PDE8A: variants seen among roughly 807,000 people sequenced by gnomAD.
PDE8A encodes phosphodiesterase 8A.
Under a neutral mutation model 105.0 loss-of-function variants are expected in PDE8A, and 59 were observed. The observed-to-expected ratio is 0.56, with a 90% CI of 0.46 to 0.70. The LOEUF (loss-of-function observed/expected upper bound fraction) is 0.70. Ranked by LOEUF, PDE8A falls within the 30% of genes least tolerant of loss-of-function variation. PDE8A has a pLI of 0.00. For synonymous variants in PDE8A, 355 were observed against 371.9 expected, an observed-to-expected ratio of 0.95 and a Z score of 0.52; for missense variants, 1,014 against 1,045.9, an observed-to-expected ratio of 0.97 and a Z score of 0.42.
intron 1 of PDE8A, among the ~76,000 whole-genome samples, chr15:85,013,496 A>G (rs1304455980): frequency 6.6e-6 from 1 of 152,184 alleles, no homozygotes; most frequent in African/African-American, 2.4e-5. Context: ...CCTCTCCTTC[A>G]ATTTAATCTA....
At position 85,039,108 on chromosome 15, in the gene PDE8A, C is replaced by T. The variant is rs565657147; in HGVS notation, c.187-25262C>T. Among the ~76,000 whole-genome samples, 54 of 138,752 alleles carry T rather than the reference C, an allele frequency of 3.9e-4. No homozygotes were observed. The South Asian group carries it at 9.7e-3, about 25-fold the overall frequency. 91.0% of individuals were successfully genotyped at this position (138,752 alleles called of 152,430 possible). ...TGCACTCCAGCCTTAGTAACAAGAG[C>T]GAAACTCCATCTCAAGAAAAAAAAA... On this transcript the variant is annotated intron_variant, in intron 1 of 21. Transcript: ENST00000394553.
chr15:85,096,470 A>T (rs563070606), intron 8 of PDE8A, among the ~76,000 whole-genome samples: 1 of 152,136 alleles, frequency 6.6e-6, no homozygotes, highest in African/African-American at 2.4e-5. Flanking sequence ...AAGATAAAGA[A>T]AGTATACTAT....
chr15:85,123,230 G>T (rs762071713), intron 19 of PDE8A, 37 bp downstream of exon 19: 2 of 1,608,552 alleles, frequency 1.2e-6, no homozygotes, highest in East Asian at 2.2e-5. Flanking sequence ...CCTGTGTTTG[G>T]GGTCCTTGTA....
rs757583907 is a variant in PDE8A, at chr15:85,072,694, A to AGTCCATGTG, written c.435-3168_435-3167insGTCCATGTG. ...CCTGCAGAGTCCATGGCAGCCCTGG[A>AGTCCATGTG]CTGTCTCCTCTGCACATTTTTGATG... On this transcript the variant is annotated intron_variant, in intron 3 of 21. Coordinates refer to ENST00000394553, the MANE Select transcript of PDE8A (RefSeq NM_002605.3). 6.6e-3 allele frequency among the ~76,000 whole-genome samples: 1,003 copies of AGTCCATGTG among 152,290 alleles called. 8 individuals are homozygous for AGTCCATGTG. The highest frequency in any genetic ancestry group is 0.031 in the Middle Eastern group (9 of 294).
chr15:85,033,846 T>C (rs1440472600), intron 1 of PDE8A, among the ~76,000 whole-genome samples: 1 of 152,060 alleles, frequency 6.6e-6, no homozygotes, highest in African/African-American at 2.4e-5. Flanking sequence ...GCCTGGGCGA[T>C]AGAGCAAGAC....
chr15:85,065,387 A>G (rs2081207172), intron 2 of PDE8A, among the ~76,000 whole-genome samples: 1 of 149,934 alleles, frequency 6.7e-6, no homozygotes, highest in Non-Finnish European at 1.5e-5. Flanking sequence ...ATGCTAGATG[A>G]CGAGTTAGTG....
At chr15:85,062,157 G>T (rs1258562464) in intron 1 of PDE8A, among the ~76,000 whole-genome samples, 2 of 152,112 alleles carry the variant, frequency 1.3e-5, no homozygotes, top group Non-Finnish European at 2.9e-5. Flanking sequence ...TCCTGTTTGT[G>T]TGCTTTGTGA....
chr15:85,007,202 T>A (rs187513206), intron 1 of PDE8A, among the ~76,000 whole-genome samples: 23 of 152,140 alleles, frequency 1.5e-4, no homozygotes, highest in African/African-American at 5.5e-4. Context: ...GAACAGATGA[T>A]ATAGGGCCAG....
At position 85,123,303 on chromosome 15, in the gene PDE8A, C is replaced by CTAT. The variant is rs1596541656; in HGVS notation, c.2085+113_2085+115dup. The CTAT allele has an allele frequency of 1.3e-5, 11 of 850,650 alleles. No homozygotes were observed. In the East Asian group the frequency reaches 2.8e-4, roughly 22 times the overall value. 52.7% of individuals were successfully genotyped at this position (850,650 alleles called of 1,614,324 possible). On this transcript the variant is annotated intron_variant, in intron 19 of 21. Coordinates refer to ENST00000394553, the MANE Select transcript of PDE8A (RefSeq NM_002605.3). ...CCACAGAAGGGTTCCCTCAGTGAGTCTATTAGACTCTTACAGGGACAGAAC... is the reference window on the plus strand; with the variant it reads ...CCACAGAAGGGTTCCCTCAGTGAGTCTATTATTAGACTCTTACAGGGACAGAAC...
At chr15:85,099,967 C>A (rs1391714083) in intron 9 of PDE8A, 48 bp from the exon 10 acceptor site, 1 of 1,469,850 alleles carries the variant, frequency 6.8e-7, no homozygotes, top group Non-Finnish European at 9.4e-7. Context: ...ACATATCCAT[C>A]AAATTAGAGA....
At chr15:84,993,391 C>T (rs375614453) in intron 1 of PDE8A, among the ~76,000 whole-genome samples, 4 of 134,692 alleles carry the variant, frequency 3.0e-5, no homozygotes, top group Non-Finnish European at 6.1e-5. Context: ...TGTAGTGAGC[C>T]GAAATCGCGC....
chr15:85,031,980 A>T (rs972711861), intron 1 of PDE8A, among the ~76,000 whole-genome samples: 4 of 152,198 alleles, frequency 2.6e-5, no homozygotes, highest in African/African-American at 9.6e-5. Context: ...GTTCCCTGGC[A>T]CACACCAGTG....
chr15:85,037,134 T>C (rs1364333650), intron 1 of PDE8A, among the ~76,000 whole-genome samples: 2 of 151,934 alleles, frequency 1.3e-5, no homozygotes, highest in African/African-American at 4.8e-5. Flanking sequence ...GGCGCAATCT[T>C]GGCTCACTGC....
chr15:85,088,303 G>A (rs1422120658), intron 6 of PDE8A, among the ~76,000 whole-genome samples: 2 of 152,192 alleles, frequency 1.3e-5, no homozygotes, highest in Non-Finnish European at 2.9e-5. Flanking sequence ...GGGATTAGGG[G>A]CATGAGCCAC....
intron 8 of PDE8A, 197 bp from the exon 9 acceptor site, chr15:85,097,749 CTT>C (rs1411364523): frequency 2.0e-5 from 11 of 549,946 alleles, no homozygotes; most frequent in Admixed American, 6.6e-5. Context: ...GGTGACCTGA[CTT>C]TTGTCAGCAA....
chr15:85,116,210 CTG>C, intron 16 of PDE8A, 91 bp downstream of exon 16: 1 of 1,349,550 alleles, frequency 7.4e-7, no homozygotes, highest in Non-Finnish European at 1.0e-6. Context: ...GTGCACAAGC[CTG>C]GTACCTGGTC....
At chr15:85,057,565 G>A (rs1190162173) in intron 1 of PDE8A, among the ~76,000 whole-genome samples, 1 of 152,152 alleles carries the variant, frequency 6.6e-6, no homozygotes, top group Non-Finnish European at 1.5e-5. Context: ...CCAGTGAGAT[G>A]AAGCCGGTAC....
intron 2 of PDE8A, among the ~76,000 whole-genome samples, chr15:85,064,863 T>G (rs8032061): frequency 0.089 from 13,452 of 151,990 alleles, 1,653 homozygotes; most frequent in African/African-American, 0.28. Context: ...TCCCAGCTAC[T>G]TGGAAGGCTG....
intron 1 of PDE8A, among the ~76,000 whole-genome samples, chr15:85,010,671 ACTGACTTCAAAGGGAACAGT>A (rs571665428): frequency 6.6e-6 from 1 of 152,334 alleles, no homozygotes; most frequent in Admixed American, 6.5e-5. Context: ...AAATGAATGA[ACTGACTTCAAAGGGAACAGT>A]CTTTTTTTCT....
Sources: allele counts gnomAD v4.1 joint callset (sites outside exome capture counted in the v4.1 genomes callset), GRCh38; gene constraint gnomAD v4.1.1; transcripts MANE v1.5; gene names NCBI Gene and HGNC (gene_info 2026-07-23, HGNC 2026-07-21).